Variants in ZNF280D observed in about 807,000 individuals in gnomAD.
The protein encoded by ZNF280D is suppressor of hairy wing homolog 4.
Under a neutral mutation model 94.7 loss-of-function variants are expected in ZNF280D, and 39 were observed. The observed-to-expected ratio is 0.41, with a 90% CI of 0.32 to 0.54. The LOEUF is 0.54. Ranked by LOEUF, ZNF280D falls within the 20% of genes least tolerant of loss-of-function variation. The pLI is 0.22. For missense variants in ZNF280D, 1,090 were observed against 1,149.3 expected, an observed-to-expected ratio of 0.95 and a Z score of 0.75; for synonymous variants, 398 against 377.6, an observed-to-expected ratio of 1.05 and a Z score of -0.63.
chr15:56,654,129 A>T (rs1480887002), intron 19 of ZNF280D, 69 bp downstream of exon 19: 3 of 1,564,666 alleles, frequency 1.9e-6, no homozygotes, highest in South Asian at 2.4e-5. Flanking sequence ...CGTATTAATG[A>T]TACATTTAAA....
At chr15:56,725,089 C>G in intron 1 of ZNF280D, 2 of 264,316 alleles carry the variant, frequency 7.6e-6, no homozygotes, top group South Asian at 8.4e-5. Flanking sequence ...CCCCTCCAGG[C>G]TTAGCTTCTT....
At chr15:56,646,733 A>C (rs1207984641) in intron 19 of ZNF280D, among the ~76,000 whole-genome samples, 1 of 152,216 alleles carries the variant, frequency 6.6e-6, no homozygotes, top group Non-Finnish European at 1.5e-5. Context: ...ACAATGAAGC[A>C]AATGTTTACA....
At chr15:56,633,966 A>G (rs1471367374) in intron 21 of ZNF280D, 1 of 152,132 alleles carries the variant, frequency 6.6e-6, no homozygotes, top group Non-Finnish European at 1.5e-5. Flanking sequence ...ATTATTTTTT[A>G]TCATGGAAAA....
chr15:56,693,253 C>T, intron 6 of ZNF280D, 38 bp from the exon 7 acceptor site: 1 of 786,952 alleles, frequency 1.3e-6, no homozygotes, highest in Non-Finnish European at 1.9e-6. Context: ...TACATTTATT[C>T]AACAGTTATA....
intron 1 of ZNF280D, among the ~76,000 whole-genome samples, chr15:56,718,061 G>A (rs1008379222): frequency 6.6e-6 from 1 of 151,736 alleles, no homozygotes; most frequent in Non-Finnish European, 1.5e-5. Context: ...TTCTAGTGGA[G>A]GTATGTAAAT....
chr15:56,672,661 G>T (rs1188146857), intron 13 of ZNF280D, among the ~76,000 whole-genome samples: 1 of 151,662 alleles, frequency 6.6e-6, no homozygotes, highest in Non-Finnish European at 1.5e-5. Flanking sequence ...TTTTTTGTGT[G>T]TGTTTGTTTG....
At chr15:56,692,603 C>T (rs1357907722) in intron 7 of ZNF280D, among the ~76,000 whole-genome samples, 1 of 152,058 alleles carries the variant, frequency 6.6e-6, no homozygotes, top group African/African-American at 2.4e-5. Flanking sequence ...TGAGTACTTA[C>T]TATGTACAAA....
intron 16 of ZNF280D, among the ~76,000 whole-genome samples, chr15:56,664,347 T>C (rs2054151261): frequency 6.6e-6 from 1 of 152,164 alleles, no homozygotes; most frequent in Non-Finnish European, 1.5e-5. Flanking sequence ...CAAACTGTCC[T>C]CTTCCAAAAA....
intron 1 of ZNF280D, among the ~76,000 whole-genome samples, chr15:56,717,696 CCT>C (rs1222490353): frequency 6.6e-6 from 1 of 152,076 alleles, no homozygotes; most frequent in Admixed American, 6.6e-5. Context: ...ATCATCATCC[CCT>C]GTTTACAGCT....
At chr15:56,643,130 T>C in intron 19 of ZNF280D, 133 bp from the exon 20 acceptor site, 1 of 503,698 alleles carries the variant, frequency 2.0e-6, no homozygotes, top group South Asian at 5.9e-5. Flanking sequence ...ACTTTAATAG[T>C]AAATTGACCT....
chr15:56,724,428 A>G (rs6493883), intron 1 of ZNF280D, among the ~76,000 whole-genome samples: 152,140 of 152,318 alleles, frequency 1, 75,982 homozygotes, highest in Non-Finnish European at 1. Context: ...TAAGGAGGCA[A>G]CACTTCTAAC....
chr15:56,659,567 T>A (rs1459718242), intron 16 of ZNF280D, among the ~76,000 whole-genome samples: 1 of 151,578 alleles, frequency 6.6e-6, no homozygotes, highest in Non-Finnish European at 1.5e-5. Context: ...TTATACATAG[T>A]ATGTATAGGA....
rs1456323292 is a variant in ZNF280D, at chr15:56,630,407, T to C, written c.*1091A>G. Reference sequence around the variant, plus strand: ...TCTATATCTATTATATTCTAGATGATAAAAAGAACTGAAAAATCAATTTAG... The same window carrying C: ...TCTATATCTATTATATTCTAGATGACAAAAAGAACTGAAAAATCAATTTAG... On this transcript the variant is annotated 3_prime_UTR_variant, in exon 22 of 22. Transcript: ENST00000267807. The C allele has an allele frequency of 1.3e-5, 2 of 152,132 alleles. No individual in the cohort carries two copies. The highest frequency in any genetic ancestry group is 1.9e-4 in the East Asian group (1 of 5,208). 9.4% of individuals were successfully genotyped at this position (152,132 alleles called of 1,614,324 possible).
At chr15:56,676,597 A>G (rs1486991266) in intron 13 of ZNF280D, 73 bp downstream of exon 13, 1 of 1,340,246 alleles carries the variant, frequency 7.5e-7, no homozygotes, top group African/African-American at 1.5e-5. Flanking sequence ...AACAAATCTA[A>G]AGATTCTCCA....
intron 6 of ZNF280D, among the ~76,000 whole-genome samples, chr15:56,694,283 A>G (rs2056601645): frequency 1.4e-5 from 2 of 139,290 alleles, no homozygotes; most frequent in African/African-American, 2.7e-5. Flanking sequence ...TACATTAAAT[A>G]TAATGACACA....
At chr15:56,650,701 T>G (rs2053158552) in intron 19 of ZNF280D, among the ~76,000 whole-genome samples, 1 of 152,210 alleles carries the variant, frequency 6.6e-6, no homozygotes, top group Non-Finnish European at 1.5e-5. Context: ...AAATTATCAT[T>G]CTATTCTCAA....
chr15:56,733,205 C>G (rs1323802398), intron 1 of ZNF280D, among the ~76,000 whole-genome samples: 1 of 152,166 alleles, frequency 6.6e-6, no homozygotes, highest in African/African-American at 2.4e-5. Context: ...GCCTGCGCGG[C>G]CCAGGCCTGC....
intron 4 of ZNF280D, among the ~76,000 whole-genome samples, chr15:56,702,910 AACACACACACACACAC>A (rs59095987): frequency 0.029 from 3,917 of 135,742 alleles, 178 homozygotes; most frequent in African/African-American, 0.1. Context: ...ATGGTAAGTA[AACACACACACACACAC>A]ACACACACAC....
intron 4 of ZNF280D, 131 bp from the exon 5 acceptor site, chr15:56,701,369 A>G (rs1158058362): frequency 2.2e-5 from 13 of 602,136 alleles, no homozygotes; most frequent in Middle Eastern, 4.7e-4. Context: ...TGATTTAAGA[A>G]TATAGTTCAT....
Sources: gnomAD v4.1 joint callset for allele counts (sites outside exome capture counted in the v4.1 genomes callset) on GRCh38, gnomAD v4.1.1 for gene constraint, MANE v1.5 for transcripts, NCBI Gene and HGNC (gene_info 2026-07-23, HGNC 2026-07-21) for gene names.